NRG4: variants seen among roughly 807,000 people sequenced by gnomAD.
The protein encoded by NRG4 is neuregulin 4, also known as pro-neuregulin-4, membrane-bound isoform.
A neutral mutation model predicts 15.0 loss-of-function variants in NRG4; 10 were observed. The ratio of observed to expected loss-of-function variants is 0.67; its 90% confidence interval spans 0.41 to 1.13. The LOEUF (loss-of-function observed/expected upper bound fraction) is 1.13. NRG4 is among the 50% of genes most tolerant of loss of function. The pLI is 0.00. For missense variants in NRG4, 139 were observed against 140.2 expected, an observed-to-expected ratio of 0.99 and a Z score of 0.04; for synonymous variants, 41 against 50.1, an observed-to-expected ratio of 0.82 and a Z score of 0.77.
intron 3 of NRG4, among the ~76,000 whole-genome samples, chr15:75,967,147 A>G (rs2032836452): frequency 6.6e-6 from 1 of 151,098 alleles, no homozygotes; most frequent in African/African-American, 2.4e-5. Context: ...CTACAGCCAT[A>G]TAACAACAAA....
At position 76,044,834 on chromosome 15, in the gene NRG4, CT is replaced by C. The variant is rs1464676350; in HGVS notation, c.-105+7232del. ...CCAACCTGGGCGACAGAGCGAGACT[CT>C]GTCTCAAAAAAAAAAAAAAAAAGAT... On this transcript the variant is annotated intron_variant, in intron 4 of 8. Coordinates refer to the NRG4 transcript ENST00000563910. Among the ~76,000 whole-genome samples the C allele has an allele frequency of 1.8e-4, 25 of 140,124 alleles. 1 individual carries two copies. Among genetic ancestry groups the C allele is most frequent in the African/African-American group, 6.9e-4 (24 of 34,884 alleles). The allele number at this position is 140,124 out of a possible 152,430, so 91.9% of individuals were successfully genotyped here. A position where few individuals can be genotyped will look rare whatever the true frequency, so the allele number is the denominator to read the frequency against.
chr15:75,943,641 G>A lies in NRG4; in HGVS notation c.345C>T (p.His115=), dbSNP rs1167537170. The A allele has an allele frequency of 5.5e-5, 87 of 1,577,204 alleles. No homozygotes were observed. The Middle Eastern group carries it at 6.7e-4, about 12-fold the overall frequency. ...STSAHHSHEQ[H] ...TTTGGTTCACTTTGACGTTTCTTCA[G>A]TGTTGTTCATGACCTGTGAAAAATA... Residue 115 remains histidine, a synonymous_variant, in exon 6 of 6, where the codon CAC becomes CAT. Transcript: ENST00000394907.
At chr15:76,041,634 A>G (rs2035742098) in intron 4 of NRG4, among the ~76,000 whole-genome samples, 1 of 152,190 alleles carries the variant, frequency 6.6e-6, no homozygotes, top group African/African-American at 2.4e-5. Flanking sequence ...AGAGAATATA[A>G]CAATTTTAAA....
intron 4 of NRG4, among the ~76,000 whole-genome samples, chr15:76,036,591 TTTC>T (rs1480309516): frequency 2.6e-4 from 39 of 152,366 alleles, no homozygotes; most frequent in East Asian, 1.9e-4. Flanking sequence ...TTGTGTCTAC[TTTC>T]TTCATCTATA....
intron 4 of NRG4, among the ~76,000 whole-genome samples, chr15:76,037,921 TACAATACTAGAC>T (rs148555479): frequency 0.13 from 19,089 of 141,996 alleles, 1,725 homozygotes; most frequent in South Asian, 0.36. Context: ...CACAGTCGGA[TACAATACTAGAC>T]ACAATACTAG....
Position 75,955,937 on chromosome 15 carries a change from T to C in NRG4, c.326A>G (p.His109Arg). ...NLVETSSTSAHHSHEQH is the reference protein window; with the variant it reads ...NLVETSSTSARHSHEQH ...TTTGTTTTGAGTTTACTCACTGTGGTGGGCACTGGTACTGCTCGTCTCTAC... is the reference window on the plus strand; with the variant it reads ...TTTGTTTTGAGTTTACTCACTGTGGCGGGCACTGGTACTGCTCGTCTCTAC... The change falls in exon 5 of 6, where the codon CAC (histidine) becomes CGC (arginine). Residue 109 changes from histidine to arginine, a missense_variant. Coordinates refer to ENST00000394907, the MANE Select transcript of NRG4 (RefSeq NM_138573.4). 6.3e-7 allele frequency: 1 copy of C among 1,584,780 alleles called. No homozygotes were observed. Among genetic ancestry groups the C allele is most frequent in the Non-Finnish European group, 8.7e-7 (1 of 1,153,340 alleles).
chr15:75,962,283 CT>C (rs2032559158), intron 3 of NRG4, among the ~76,000 whole-genome samples: 1 of 152,164 alleles, frequency 6.6e-6, no homozygotes, highest in Admixed American at 6.5e-5. Flanking sequence ...AATGTCCACA[CT>C]TTATCACAAA....
At chr15:75,975,609 G>A (rs914255796) in intron 3 of NRG4, among the ~76,000 whole-genome samples, 6 of 152,160 alleles carry the variant, frequency 3.9e-5, no homozygotes, top group Non-Finnish European at 5.9e-5. Context: ...TGCTTATGAA[G>A]CTTAGTTTGG....
intron 3 of NRG4, among the ~76,000 whole-genome samples, chr15:75,989,688 T>G (rs959231599): frequency 2.0e-5 from 3 of 152,242 alleles, no homozygotes; most frequent in African/African-American, 7.2e-5. Context: ...ATTCTTTACA[T>G]ATTTATAGTA....
rs977481182 is a variant in NRG4 at position 75,961,129 on chromosome 15, G to A, written c.251+699C>T. 2.6e-4 allele frequency among the ~76,000 whole-genome samples: 40 copies of A among 152,118 alleles called. 2 individuals carry two copies. Among genetic ancestry groups the A allele is most frequent in the African/African-American group, 2.4e-5 (1 of 41,404 alleles). On this transcript the variant is annotated intron_variant, in intron 4 of 5. Coordinates refer to ENST00000394907, the MANE Select transcript of NRG4 (RefSeq NM_138573.4). ...GTATCTATGATAGAATACAGTGTGAGTTTCATAAATATTAATTAATGATGA... is the reference window on the plus strand; with the variant it reads ...GTATCTATGATAGAATACAGTGTGAATTTCATAAATATTAATTAATGATGA...
At chr15:75,996,704 C>T (rs1306588123) in intron 3 of NRG4, among the ~76,000 whole-genome samples, 2 of 152,050 alleles carry the variant, frequency 1.3e-5, no homozygotes, top group Admixed American at 1.3e-4. Context: ...TAGATCCCAA[C>T]ATTATATTTA....
Position 76,031,081 on chromosome 15 carries a change from A to G in NRG4, c.-57+4863T>C, listed in dbSNP as rs1373598281. On this transcript the variant is annotated intron_variant, in intron 5 of 8. Transcript: ENST00000563910. ...GTTGGTCTAATATGTGTGAATTAAT[A>G]CAATTCACCACATTAACAAAATAAA... Among the ~76,000 whole-genome samples, 4 of 152,234 alleles carry G rather than the reference A, an allele frequency of 2.6e-5. No individual in the cohort carries two copies. The East Asian group carries it at 5.8e-4, about 22-fold the overall frequency.
At chr15:76,006,951 G>A (rs563463463) in intron 3 of NRG4, among the ~76,000 whole-genome samples, 1 of 152,188 alleles carries the variant, frequency 6.6e-6, no homozygotes, top group South Asian at 2.1e-4. Flanking sequence ...TAGCTTAACG[G>A]ACCAAGTACT....
chr15:76,059,893 G>GGCGGAGGGGCGGAGGGAGCGGCGGGGCC (rs2036255500), upstream of NRG4: 1 of 145,712 alleles, frequency 6.9e-6, no homozygotes, highest in Non-Finnish European at 1.5e-5. Flanking sequence ...GAGCGCGGTG[G>GGCGGAGGGGCGGAGGGAGCGGCGGGGCC]GCGGAGGGGC....
intron 4 of NRG4, among the ~76,000 whole-genome samples, chr15:76,039,061 C>T (rs1005830266): frequency 6.6e-6 from 1 of 152,186 alleles, no homozygotes; most frequent in Non-Finnish European, 1.5e-5. Context: ...GCTTGAGGTG[C>T]CCCATAATGC....
At chr15:75,949,566 T>C (rs2031756648) in intron 5 of NRG4, among the ~76,000 whole-genome samples, 1 of 152,240 alleles carries the variant, frequency 6.6e-6, no homozygotes. Context: ...ATGGTGTCCT[T>C]TGAAGCACAA....
chr15:75,948,305 CTTTA>C (rs142980207), intron 5 of NRG4, among the ~76,000 whole-genome samples: 110,097 of 144,342 alleles, frequency 0.76, 42,746 homozygotes, highest in Non-Finnish European at 0.83. Flanking sequence ...CTTTGATCCA[CTTTA>C]TTTATTTATT....
At chr15:75,949,627 G>A (rs780991977) in intron 5 of NRG4, among the ~76,000 whole-genome samples, 1 of 152,028 alleles carries the variant, frequency 6.6e-6, no homozygotes, top group Non-Finnish European at 1.5e-5. Flanking sequence ...TCTTTTTATC[G>A]ATTGTGCTTT....
intron 4 of NRG4, among the ~76,000 whole-genome samples, chr15:76,043,587 A>G (rs2035797040): frequency 2.0e-5 from 3 of 152,232 alleles, no homozygotes; most frequent in Admixed American, 6.5e-5. Flanking sequence ...ACTTAATCAA[A>G]GAAGTGAAAG....
Sources: gnomAD v4.1 joint callset for allele counts (sites outside exome capture counted in the v4.1 genomes callset) on GRCh38, gnomAD v4.1.1 for gene constraint, MANE v1.5 for transcripts, NCBI Gene and HGNC (gene_info 2026-07-23, HGNC 2026-07-21) for gene names.